The following SNX6 variants were observed in gnomAD, a reference collection of about 807,000 sequenced individuals.
SNX6 encodes the protein sorting nexin-6.
A neutral mutation model predicts 63.0 loss-of-function variants in SNX6; 34 were observed. That is an observed-to-expected ratio of 0.54 (90% CI 0.41 to 0.72). The LOEUF is 0.72. Among genes scored for constraint, SNX6 ranks in the 30% least tolerant of loss-of-function variants. The probability of loss-of-function intolerance (pLI) is 0.00; values close to 1 mark genes in which losing one functional copy is unlikely to be tolerated. For missense variants in SNX6, 398 were observed against 471.4 expected (o/e 0.84, Z 1.44); for synonymous variants, 170 against 164.2 (o/e 1.04, Z -0.27).
intron 10 of SNX6, among the ~76,000 whole-genome samples, chr14:34,578,609 GAC>G (rs575080670): frequency 3.0e-4 from 40 of 132,778 alleles, no homozygotes; most frequent in African/African-American, 1.1e-3. Flanking sequence ...CAGCCTGGGT[GAC>G]AGAGTGAGAT....
chr14:34,609,588 T>C, intron 3 of SNX6, 50 bp downstream of exon 3: 1 of 1,114,998 alleles, frequency 9.0e-7, no homozygotes, highest in Non-Finnish European at 1.4e-6. Context: ...ATATCACATA[T>C]GTAGTATAAT....
chr14:34,604,560 CAG>C (rs1240366362), intron 5 of SNX6, among the ~76,000 whole-genome samples: 1 of 152,078 alleles, frequency 6.6e-6, no homozygotes, highest in Non-Finnish European at 1.5e-5. Context: ...GAAAAAGTGA[CAG>C]AGGTGATAAC....
At chr14:34,584,066 C>G (rs1482987206) in intron 9 of SNX6, among the ~76,000 whole-genome samples, 6 of 151,960 alleles carry the variant, frequency 3.9e-5, no homozygotes, top group African/African-American at 1.4e-4. Flanking sequence ...AGGCTGGTCT[C>G]CAACTCCTGA....
At position 34,575,736 on chromosome 14, in the gene SNX6, TA is replaced by T. The variant is rs777665766; in HGVS notation, c.921+19del. The T allele has an allele frequency of 5.6e-5, 82 of 1,461,810 alleles. 1 individual carries two copies. Among genetic ancestry groups the T allele is most frequent in the African/African-American group, 1.0e-4 (7 of 70,332 alleles). 90.6% of individuals were successfully genotyped at this position (1,461,810 alleles called of 1,614,324 possible). ...ATGGCTGTTTGTAAAATGGCTCATT[TA>T]AAAAAAGATTAAAATTACCTTAGCA... is the stretch of plus-strand genomic sequence containing the variant. On this transcript the variant is annotated intron_variant, in intron 11 of 13. Transcript: ENST00000362031.
chr14:34,593,271 ATGT>A (rs1870127722), intron 7 of SNX6, 121 bp from the exon 8 acceptor site: 2 of 610,426 alleles, frequency 3.3e-6, no homozygotes, highest in Non-Finnish European at 5.6e-6. Context: ...CCTCAGTCAG[ATGT>A]TATTATACTA....
At chr14:34,629,802 A>T in intron 2 of SNX6, 105 bp downstream of exon 2, 2 of 1,484,926 alleles carry the variant, frequency 1.3e-6, no homozygotes, top group South Asian at 2.5e-5. Flanking sequence ...GACTACGGGG[A>T]GGGAGTGCCG....
intron 2 of SNX6, among the ~76,000 whole-genome samples, chr14:34,622,253 C>T (rs1419551362): frequency 6.8e-6 from 1 of 147,572 alleles, no homozygotes; most frequent in Non-Finnish European, 1.5e-5. Flanking sequence ...TGAGCCACTG[C>T]ACCCGGCCTG....
At chr14:34,623,031 C>G (rs1566495005) in intron 2 of SNX6, among the ~76,000 whole-genome samples, 1 of 152,266 alleles carries the variant, frequency 6.6e-6, no homozygotes, top group East Asian at 1.9e-4. Context: ...TACTCCCATA[C>G]ACTTCATTGC....
chr14:34,619,506 C>T (rs948926738), intron 2 of SNX6, among the ~76,000 whole-genome samples: 3 of 151,576 alleles, frequency 2.0e-5, no homozygotes, highest in African/African-American at 4.9e-5. Context: ...CAGTAATATG[C>T]GGCTATTTAA....
chr14:34,582,608 T>C (rs958504075), intron 9 of SNX6, among the ~76,000 whole-genome samples: 17 of 151,300 alleles, frequency 1.1e-4, no homozygotes, highest in Middle Eastern at 6.9e-3. Context: ...CGCAGTGCAG[T>C]AGCGCCATCT....
At chr14:34,601,983 A>C (rs1882833750) in intron 6 of SNX6, among the ~76,000 whole-genome samples, 1 of 152,014 alleles carries the variant, frequency 6.6e-6, no homozygotes, top group Non-Finnish European at 1.5e-5. Flanking sequence ...AAAAAGTGTC[A>C]CTTAAACTAC....
intron 13 of SNX6, among the ~76,000 whole-genome samples, chr14:34,565,004 C>G (rs373503098): frequency 1.3e-5 from 2 of 151,560 alleles, no homozygotes; most frequent in African/African-American, 4.9e-5. Context: ...AACTTGGCTG[C>G]GTTCCAATAA....
chr14:34,569,758 T>C (rs1881359386), intron 11 of SNX6, among the ~76,000 whole-genome samples: 1 of 152,230 alleles, frequency 6.6e-6, no homozygotes, highest in East Asian at 1.9e-4. Flanking sequence ...GAGTAGTATT[T>C]CACTGTATGG....
intron 2 of SNX6, among the ~76,000 whole-genome samples, chr14:34,626,565 A>G (rs993245780): frequency 4.0e-5 from 6 of 151,134 alleles, no homozygotes; most frequent in Admixed American, 1.3e-4. Context: ...TCAGGAGGCT[A>G]AGGCAGGAGA....
At position 34,562,992 on chromosome 14, in the gene SNX6, G is replaced by A; in HGVS notation, c.*130C>T. ...CGCTGCTCCATGTTTCTCAGAAAAA[G>A]AGGAGTTGATGCACTTTTTCAGCTG... On this transcript the variant is annotated 3_prime_UTR_variant, in exon 14 of 14. Coordinates refer to ENST00000362031, the MANE Select transcript of SNX6 (RefSeq NM_152233.4). 1.2e-6 allele frequency: 1 copy of A among 861,468 alleles called. No individual in the cohort carries two copies. The highest frequency in any genetic ancestry group is 1.6e-5 in the South Asian group (1 of 64,360). 53.4% of individuals were successfully genotyped at this position (861,468 alleles called of 1,614,324 possible).
intron 2 of SNX6, among the ~76,000 whole-genome samples, chr14:34,612,216 C>T (rs1194057543): frequency 6.6e-6 from 1 of 152,030 alleles, no homozygotes; most frequent in Non-Finnish European, 1.5e-5. Flanking sequence ...GCTGGGATTA[C>T]AGACGTGAGC....
At chr14:34,591,948 A>G (rs1432139049) in intron 8 of SNX6, among the ~76,000 whole-genome samples, 1 of 152,236 alleles carries the variant, frequency 6.6e-6, no homozygotes, top group Non-Finnish European at 1.5e-5. Flanking sequence ...GAGAACCATC[A>G]TACTTGAGTA....
In SNX6 at chr14:34,616,403, A is replaced by C. The variant is rs549441769; in HGVS notation, c.55-6661T>G. Among the ~76,000 whole-genome samples the C allele has an allele frequency of 4.6e-5, 7 of 152,284 alleles. No individual in the cohort carries two copies. The South Asian group carries it at 1.5e-3, about 32-fold the overall frequency. On this transcript the variant is annotated intron_variant, in intron 2 of 13. Coordinates refer to ENST00000362031, the MANE Select transcript of SNX6 (RefSeq NM_152233.4). The stretch of plus-strand genomic sequence containing the variant: ...TAATTTTAAAGAGACAGAGTCTTGC[A>C]CTGCTACCCAGGTTGGAATGCGGTG...
chr14:34,614,093 C>A (rs186345926), intron 2 of SNX6, among the ~76,000 whole-genome samples: 127 of 150,462 alleles, frequency 8.4e-4, no homozygotes, highest in African/African-American at 2.9e-3. Context: ...GAAGACAGAG[C>A]GAGACTCCAT....
Sources: allele counts gnomAD v4.1 joint callset (sites outside exome capture counted in the v4.1 genomes callset), GRCh38; gene constraint gnomAD v4.1.1; transcripts MANE v1.5; gene names NCBI Gene and HGNC (gene_info 2026-07-23, HGNC 2026-07-21).